The following PLAC8 variants were observed in gnomAD, a reference collection of about 807,000 sequenced individuals.
The protein encoded by PLAC8 is placenta-specific gene 8 protein.
Under a neutral mutation model 12.6 loss-of-function variants are expected in PLAC8, and 6 were observed. The ratio of observed to expected loss-of-function variants is 0.48; its 90% CI spans 0.26 to 0.94. PLAC8 has a LOEUF of 0.94. Among genes scored for constraint, PLAC8 ranks in the 40% least tolerant of loss-of-function variants. The pLI, the probability that PLAC8 is intolerant of heterozygous loss-of-function variation, is 0.14. For synonymous variants in PLAC8, 54 were observed against 52.6 expected, an observed-to-expected ratio of 1.03 and a Z score of -0.11; for missense variants, 122 against 152.7, an observed-to-expected ratio of 0.80 and a Z score of 1.06.
At chr4:83,112,214 ATATG>A (rs1357724128) in intron 1 of PLAC8, among the ~76,000 whole-genome samples, 261 of 4,874 alleles carry the variant, frequency 0.054, 7 homozygotes, top group African/African-American at 0.078. Context: ...GTATATATAT[ATATG>A]TATATATATA....
chr4:83,111,675 T>A (rs1732426741), intron 1 of PLAC8, among the ~76,000 whole-genome samples: 1 of 152,196 alleles, frequency 6.6e-6, no homozygotes, highest in African/African-American at 2.4e-5. Context: ...GAAGCCTATA[T>A]TCTGTTTTTT....
intron 3 of PLAC8, among the ~76,000 whole-genome samples, chr4:83,096,737 T>C (rs1430497547): frequency 2.6e-5 from 4 of 152,248 alleles, no homozygotes; most frequent in African/African-American, 9.6e-5. Context: ...CATACTATCC[T>C]ATAACTTATT....
chr4:83,099,357 G>A (rs993110125), intron 3 of PLAC8, among the ~76,000 whole-genome samples: 2 of 151,898 alleles, frequency 1.3e-5, no homozygotes, highest in Non-Finnish European at 2.9e-5. Context: ...CAAGTCTAAG[G>A]GTGCCATTTT....
At chr4:83,105,511 C>T (rs898333933) in intron 2 of PLAC8, among the ~76,000 whole-genome samples, 7 of 152,154 alleles carry the variant, frequency 4.6e-5, no homozygotes, top group Non-Finnish European at 1.0e-4. Context: ...AGAGCCTCTT[C>T]GAGGTAATCT....
intron 2 of PLAC8, among the ~76,000 whole-genome samples, chr4:83,105,254 G>T (rs1288008265): frequency 6.6e-6 from 1 of 152,180 alleles, no homozygotes; most frequent in Non-Finnish European, 1.5e-5. Context: ...TCATAGTTCT[G>T]CCTTCATTCA....
At chr4:83,097,019 G>C (rs11936632) in intron 3 of PLAC8, among the ~76,000 whole-genome samples, 49,163 of 152,134 alleles carry the variant, frequency 0.32, 8,196 homozygotes, top group East Asian at 0.56. Context: ...TTTTGGGGAT[G>C]GAGAAACCAG....
intron 3 of PLAC8, among the ~76,000 whole-genome samples, chr4:83,100,075 C>T (rs1420056707): frequency 2.0e-5 from 3 of 150,838 alleles, no homozygotes; most frequent in Non-Finnish European, 4.4e-5. Flanking sequence ...TCGAGACCAT[C>T]TTGCCTAACA....
chr4:83,110,284 G>T (rs368845361), intron 1 of PLAC8, among the ~76,000 whole-genome samples: 8 of 145,428 alleles, frequency 5.5e-5, no homozygotes, highest in Non-Finnish European at 1.0e-4. Flanking sequence ...TTATTAGATG[G>T]ACCCTGGATT....
chr4:83,106,730 G>C (rs778054047), intron 2 of PLAC8, among the ~76,000 whole-genome samples: 1 of 152,182 alleles, frequency 6.6e-6, no homozygotes, highest in Non-Finnish European at 1.5e-5. Context: ...TGTGGACCAA[G>C]ACAAGCAAAT....
intron 3 of PLAC8, among the ~76,000 whole-genome samples, chr4:83,095,611 G>A (rs1402573801): frequency 2.6e-5 from 4 of 152,174 alleles, no homozygotes; most frequent in African/African-American, 9.7e-5. Context: ...GTGTAGTGCG[G>A]GAGGAGGAGA....
At chr4:83,110,224 A>G (rs553633793) in intron 1 of PLAC8, among the ~76,000 whole-genome samples, 41 of 152,276 alleles carry the variant, frequency 2.7e-4, no homozygotes, top group African/African-American at 9.6e-4. Context: ...ATTGGAAAGT[A>G]AGACAAGAAA....
Position 83,090,140 on chromosome 4 carries a change from G to A in PLAC8, c.*841C>T, listed in dbSNP as rs1246119119. 1 of 151,914 alleles carries A rather than the reference G, an allele frequency of 6.6e-6. No individual in the cohort carries two copies. The highest frequency in any genetic ancestry group is 6.6e-5 in the Admixed American group (1 of 15,228). 9.4% of individuals were successfully genotyped at this position (151,914 alleles called of 1,614,324 possible). On this transcript the variant is annotated 3_prime_UTR_variant, in exon 5 of 5. Transcript: ENST00000311507. ...TGCTAAGAAACCAAAGTATGGTGCAGTGGCTCACACCTGTAATTCCAGCAC... is the reference window on the plus strand; with the variant it reads ...TGCTAAGAAACCAAAGTATGGTGCAATGGCTCACACCTGTAATTCCAGCAC...
intron 3 of PLAC8, among the ~76,000 whole-genome samples, chr4:83,100,275 C>T (rs557515496): frequency 0.038 from 4,915 of 129,798 alleles, 233 homozygotes; most frequent in African/African-American, 0.13. Context: ...AGCGAGACTC[C>T]ATCTCAAAAA....
chr4:83,097,594 T>C (rs1731972981), intron 3 of PLAC8, among the ~76,000 whole-genome samples: 1 of 152,166 alleles, frequency 6.6e-6, no homozygotes, highest in African/African-American at 2.4e-5. Flanking sequence ...GCCCGCTAGC[T>C]ATGCTAAAAA....
rs1481080707 is a variant in PLAC8, at chr4:83,094,582, T to C, written c.*9+96A>G. On this transcript the variant is annotated intron_variant, in intron 4 of 4. Transcript: ENST00000311507. The stretch of plus-strand genomic sequence containing the variant: ...CTTCAGGAGACTTAAGAAATAGTTA[T>C]TGCTGAATTATTCAAAACAACAAAT... 5 of 683,178 alleles carry C rather than the reference T, an allele frequency of 7.3e-6. No homozygotes were observed. The South Asian group carries it at 7.6e-5, about 10-fold the overall frequency. The allele number at this position is 683,178 out of a possible 1,614,324, so 42.3% of individuals were successfully genotyped here.
intron 4 of PLAC8, among the ~76,000 whole-genome samples, chr4:83,091,880 C>T (rs11099567): frequency 0.56 from 84,459 of 152,028 alleles, 23,880 homozygotes; most frequent in Admixed American, 0.65. Context: ...TATGTCAGCA[C>T]AAACTCATAG....
chr4:83,102,861 C>A (rs1253743793), intron 3 of PLAC8, among the ~76,000 whole-genome samples: 1 of 151,522 alleles, frequency 6.6e-6, no homozygotes, highest in Non-Finnish European at 1.5e-5. Context: ...CCGAGGCGGG[C>A]GGATCATGAG....
At chr4:83,108,894 G>C (rs1732335201) in intron 1 of PLAC8, among the ~76,000 whole-genome samples, 1 of 152,066 alleles carries the variant, frequency 6.6e-6, no homozygotes, top group Admixed American at 6.5e-5. Context: ...ATCCTTTCCA[G>C]TCTTCCCACT....
intron 2 of PLAC8, among the ~76,000 whole-genome samples, chr4:83,106,100 A>C (rs1449749126): frequency 6.6e-6 from 1 of 151,980 alleles, no homozygotes; most frequent in Non-Finnish European, 1.5e-5. Flanking sequence ...CTCAGGTTCA[A>C]GCAATTCTTC....
Sources: gnomAD v4.1 joint callset for allele counts (sites outside exome capture counted in the v4.1 genomes callset) on GRCh38, gnomAD v4.1.1 for gene constraint, MANE v1.5 for transcripts, NCBI Gene and HGNC (gene_info 2026-07-23, HGNC 2026-07-21) for gene names.